CLASP2: variants seen among roughly 807,000 people sequenced by gnomAD.
CLASP2 encodes cytoplasmic linker associated protein 2.
In CLASP2, 47 loss-of-function variants were observed where a neutral mutation model predicts 194.4. The ratio of observed to expected loss-of-function variants is 0.24; its 90% CI spans 0.19 to 0.31. CLASP2 has a LOEUF of 0.31. Ranked by LOEUF, CLASP2 falls within the 10% of genes least tolerant of loss-of-function variation. CLASP2 has a pLI of 1.00. For synonymous variants in CLASP2, 619 were observed against 633.5 expected, an observed-to-expected ratio of 0.98 and a Z score of 0.34; for missense variants, 1,445 against 1,823.6, an observed-to-expected ratio of 0.79 and a Z score of 3.78.
At chr3:33,668,046 C>T (rs993290574) in intron 6 of CLASP2, among the ~76,000 whole-genome samples, 11 of 152,154 alleles carry the variant, frequency 7.2e-5, no homozygotes, top group African/African-American at 1.2e-4. Flanking sequence ...AGTGAAACCC[C>T]GTCTCTACTA....
At chr3:33,616,962 C>A (rs2076294230) in intron 12 of CLASP2, among the ~76,000 whole-genome samples, 1 of 150,824 alleles carries the variant, frequency 6.6e-6, no homozygotes, top group Admixed American at 6.6e-5. Context: ...CTGGTCTTGA[C>A]TCCTGTGATC....
chr3:33,630,064 G>GT (rs1174145147), intron 9 of CLASP2, among the ~76,000 whole-genome samples: 4 of 152,134 alleles, frequency 2.6e-5, no homozygotes, highest in African/African-American at 9.7e-5. Context: ...CTTTGGAAAC[G>GT]TAACGGTAAC....
chr3:33,607,512 C>A, intron 14 of CLASP2, 51 bp from the exon 15 acceptor site: 1 of 1,328,116 alleles, frequency 7.5e-7, no homozygotes, highest in Non-Finnish European at 1.0e-6. Flanking sequence ...TATGTTTCAC[C>A]ACAAATGGTA....
At chr3:33,662,936 C>A (rs1454046773) in intron 7 of CLASP2, among the ~76,000 whole-genome samples, 2 of 152,032 alleles carry the variant, frequency 1.3e-5, no homozygotes, top group African/African-American at 4.8e-5. Flanking sequence ...TGAATTCCAA[C>A]TTGGTCTCAT....
At chr3:33,585,348 G>A (rs1350137246) in intron 21 of CLASP2, among the ~76,000 whole-genome samples, 1 of 152,100 alleles carries the variant, frequency 6.6e-6, no homozygotes, top group African/African-American at 2.4e-5. Context: ...ACGTGTTGTT[G>A]GGTGATTTTA....
intron 23 of CLASP2, among the ~76,000 whole-genome samples, chr3:33,581,161 A>G (rs2066047897): frequency 6.6e-6 from 1 of 152,224 alleles, no homozygotes; most frequent in Admixed American, 6.5e-5. Context: ...ATGTACATAC[A>G]AAACTGTACC....
chr3:33,661,351 A>G (rs923055573), intron 7 of CLASP2, among the ~76,000 whole-genome samples: 12 of 152,198 alleles, frequency 7.9e-5, no homozygotes, highest in African/African-American at 2.9e-4. Flanking sequence ...GAAGATCCCT[A>G]TGATTTCTGA....
chr3:33,697,942 G>A (rs931242762), intron 1 of CLASP2, among the ~76,000 whole-genome samples: 1 of 152,184 alleles, frequency 6.6e-6, no homozygotes, highest in African/African-American at 2.4e-5. Flanking sequence ...GTGTGGGCTA[G>A]CATGAAAACA....
Position 33,563,366 on chromosome 3 carries a change from GAC to G in CLASP2, c.2767-2397_2767-2396del, listed in dbSNP as rs111844473. On this transcript the variant is annotated intron_variant, in intron 27 of 38. Transcript: ENST00000682230. ...TTTTCATCATAAGTGTGACCTACTT[GAC>G]ACAGTCTCTCTGATCTATCCCATGA... 7.2e-5 allele frequency among the ~76,000 whole-genome samples: 11 copies of G among 152,154 alleles called. 1 individual carries two copies. Among genetic ancestry groups the G allele is most frequent in the African/African-American group, 2.2e-4 (9 of 41,506 alleles).
intron 26 of CLASP2, among the ~76,000 whole-genome samples, chr3:33,567,145 CTCT>C (rs2062889380): frequency 6.6e-6 from 1 of 152,144 alleles, no homozygotes; most frequent in African/African-American, 2.4e-5. Flanking sequence ...CCTTTCTTTT[CTCT>C]TTTTTTTCCT....
chr3:33,666,990 A>G (rs753095264), intron 6 of CLASP2, among the ~76,000 whole-genome samples: 2 of 152,086 alleles, frequency 1.3e-5, no homozygotes, highest in Non-Finnish European at 2.9e-5. Context: ...TCTATGTGCT[A>G]TTGCCATCTG....
Position 33,699,511 on chromosome 3 carries a change from G to A in CLASP2, c.196-2578C>T, listed in dbSNP as rs572742841. Among the ~76,000 whole-genome samples the A allele has an allele frequency of 8.6e-5, 13 of 152,038 alleles. No homozygotes were observed. In the South Asian group the frequency reaches 1.5e-3, roughly 17 times the overall value. On this transcript the variant is annotated intron_variant, in intron 1 of 38. Coordinates refer to ENST00000682230, the MANE Select transcript of CLASP2 (RefSeq NM_001365631.1). ...AAATACACAAGTACAGAAGATTTCC[G>A]GCCAAAAAGTATGAGAGTAAGGAGA...
Position 33,498,396 on chromosome 3 carries a change from G to T in CLASP2, c.*235C>A. On this transcript the variant is annotated 3_prime_UTR_variant, in exon 39 of 39. Transcript: ENST00000682230. The stretch of plus-strand genomic sequence containing the variant: ...ATTAAATTAAAAATTACTTTGTGTC[G>T]ATCAATTGATGTTAATACTGCTTCT... 1 of 376,930 alleles carries T rather than the reference G, an allele frequency of 2.7e-6. No homozygotes were observed. The highest frequency in any genetic ancestry group is 4.0e-5 in the East Asian group (1 of 24,860). 23.3% of individuals were successfully genotyped at this position (376,930 alleles called of 1,614,324 possible).
In CLASP2 at chr3:33,540,723, A is replaced by G. The variant is rs1009902308; in HGVS notation, c.3405-1781T>C. On this transcript the variant is annotated intron_variant, in intron 32 of 38. Coordinates refer to ENST00000682230, the MANE Select transcript of CLASP2 (RefSeq NM_001365631.1). ...AATGAATAACTTGATGAAGCACACT[A>G]TAATATATGGCTAATGACAAAAATC... is the stretch of plus-strand genomic sequence containing the variant. Among the ~76,000 whole-genome samples the G allele has an allele frequency of 3.9e-5, 6 of 152,104 alleles. No homozygotes were observed. The East Asian group carries it at 1.2e-3, about 29-fold the overall frequency.
intron 6 of CLASP2, among the ~76,000 whole-genome samples, chr3:33,679,911 T>C (rs1430639993): frequency 1.3e-5 from 2 of 152,162 alleles, no homozygotes; most frequent in East Asian, 1.9e-4. Flanking sequence ...AAAATGTATG[T>C]CCACACAAAG....
chr3:33,696,492 G>A (rs2091929904), intron 2 of CLASP2, among the ~76,000 whole-genome samples: 1 of 145,194 alleles, frequency 6.9e-6, no homozygotes, highest in African/African-American at 2.5e-5. Context: ...TTGAGACAGA[G>A]TCTTGCTCTG....
chr3:33,501,522 A>G lies in CLASP2; in HGVS notation c.4434+130T>C, dbSNP rs1370495543. ...AGATAAAATACAAAACAGAAATAAT[A>G]AGGGCAAGTTGGATGCTCAAAGCCT... On this transcript the variant is annotated intron_variant, in intron 38 of 38. Coordinates refer to ENST00000682230, the MANE Select transcript of CLASP2 (RefSeq NM_001365631.1). 5.1e-6 allele frequency: 3 copies of G among 585,730 alleles called. No individual in the cohort carries two copies. The East Asian group carries it at 8.6e-5, about 17-fold the overall frequency. The allele number at this position is 585,730 out of a possible 1,614,324, so 36.3% of individuals were successfully genotyped here.
At chr3:33,582,801 T>G (rs528544364) in intron 22 of CLASP2, among the ~76,000 whole-genome samples, 1 of 150,992 alleles carries the variant, frequency 6.6e-6, no homozygotes, top group African/African-American at 2.4e-5. Flanking sequence ...AAAGGTGGAG[T>G]AGAGAATTTA....
At chr3:33,652,152 CTA>C (rs1352801870) in intron 7 of CLASP2, among the ~76,000 whole-genome samples, 1 of 152,180 alleles carries the variant, frequency 6.6e-6, no homozygotes, top group African/African-American at 2.4e-5. Flanking sequence ...ACCCCCAACA[CTA>C]TAAATTTTCA....
Sources: allele counts gnomAD v4.1 joint callset (sites outside exome capture counted in the v4.1 genomes callset), GRCh38; gene constraint gnomAD v4.1.1; transcripts MANE v1.5; gene names NCBI Gene and HGNC (gene_info 2026-07-23, HGNC 2026-07-21).